Variants in TRAPPC9 observed in about 807,000 individuals in gnomAD.
TRAPPC9 encodes the protein trafficking protein particle complex subunit 9, also known as IKK2 binding protein.
A neutral mutation model predicts 124.0 loss-of-function variants in TRAPPC9; 83 were observed. The observed-to-expected ratio is 0.67, with a 90% CI of 0.56 to 0.80. The LOEUF (loss-of-function observed/expected upper bound fraction) is 0.80, where lower values mean the gene tolerates loss of function less well. Among genes scored for constraint, TRAPPC9 ranks in the 30% least tolerant of loss-of-function variants. The pLI is 0.00. For synonymous variants in TRAPPC9, 638 were observed against 617.5 expected (o/e 1.03, Z -0.49); for missense variants, 1,302 against 1,508.3 (o/e 0.86, Z 2.27).
chr8:139,761,440 C>T (rs1820211012), intron 21 of TRAPPC9, among the ~76,000 whole-genome samples: 2 of 152,170 alleles, frequency 1.3e-5, no homozygotes, highest in Admixed American at 6.5e-5. Flanking sequence ...GTAGACTTCC[C>T]GGGCCCCTTA....
At chr8:140,046,320 G>T (rs1314303150) in intron 17 of TRAPPC9, among the ~76,000 whole-genome samples, 1 of 152,280 alleles carries the variant, frequency 6.6e-6, no homozygotes, top group Non-Finnish European at 1.5e-5. Flanking sequence ...TGCCTTCTTG[G>T]CAAGGAAAGG....
chr8:140,175,968 C>T (rs1288991913), intron 17 of TRAPPC9, among the ~76,000 whole-genome samples: 2 of 152,168 alleles, frequency 1.3e-5, no homozygotes, highest in Admixed American at 6.5e-5. Flanking sequence ...AGGACAGACA[C>T]GTAAAAGACA....
At chr8:140,357,332 G>C (rs571388836) in intron 9 of TRAPPC9, among the ~76,000 whole-genome samples, 25 of 152,242 alleles carry the variant, frequency 1.6e-4, no homozygotes, top group Non-Finnish European at 2.9e-4. Flanking sequence ...AGCAGACACA[G>C]CAGGCGAAGG....
chr8:139,968,591 G>A (rs1028284802), intron 19 of TRAPPC9, among the ~76,000 whole-genome samples: 5 of 152,220 alleles, frequency 3.3e-5, no homozygotes, highest in African/African-American at 1.2e-4. Context: ...CTCCGGACAA[G>A]GCTCATGTGG....
chr8:139,911,550 C>G (rs975590795), intron 19 of TRAPPC9, among the ~76,000 whole-genome samples: 1 of 152,006 alleles, frequency 6.6e-6, no homozygotes, highest in Non-Finnish European at 1.5e-5. Context: ...ACCAAAAATA[C>G]AAAAATAAGC....
chr8:140,458,333 G>A (rs955171264), upstream of TRAPPC9: 1 of 1,580,934 alleles, frequency 6.3e-7, no homozygotes, highest in East Asian at 2.3e-5. Flanking sequence ...AAGCTCAGGG[G>A]TGGAGGCCCC....
chr8:139,755,143 C>A (rs1202912028), intron 21 of TRAPPC9, among the ~76,000 whole-genome samples: 1 of 152,272 alleles, frequency 6.6e-6, no homozygotes, highest in African/African-American at 2.4e-5. Context: ...CCAGCTCCCA[C>A]TGCTGGCTCA....
intron 5 of TRAPPC9, among the ~76,000 whole-genome samples, chr8:140,419,447 A>AC (rs1447443579): frequency 1.4e-4 from 20 of 142,092 alleles, no homozygotes; most frequent in East Asian, 1.4e-3. Context: ...AAAAAAAAAA[A>AC]AAAAACAAAA....
chr8:140,415,004 T>C (rs1232717409), intron 5 of TRAPPC9, among the ~76,000 whole-genome samples: 3 of 152,092 alleles, frequency 2.0e-5, no homozygotes, highest in Non-Finnish European at 4.4e-5. Context: ...CCTCCCAAAG[T>C]ACTGGGATTA....
chr8:140,042,895 G>A (rs1030210368), intron 17 of TRAPPC9, among the ~76,000 whole-genome samples: 10 of 152,190 alleles, frequency 6.6e-5, no homozygotes, highest in Admixed American at 2.6e-4. Context: ...TTGTGCCTCC[G>A]GGCTCCTTCG....
At chr8:140,185,404 T>C (rs954981036) in intron 17 of TRAPPC9, among the ~76,000 whole-genome samples, 1 of 152,208 alleles carries the variant, frequency 6.6e-6, no homozygotes, top group Non-Finnish European at 1.5e-5. Flanking sequence ...AAAATGCCAG[T>C]GCCTTAAGGG....
intron 9 of TRAPPC9, among the ~76,000 whole-genome samples, chr8:140,331,307 T>C (rs1334997577): frequency 6.6e-6 from 1 of 152,160 alleles, no homozygotes; most frequent in East Asian, 1.9e-4. Context: ...TGCCACTATA[T>C]ACAAAAATTG....
intron 17 of TRAPPC9, among the ~76,000 whole-genome samples, chr8:140,176,164 T>C (rs2062066450): frequency 6.6e-6 from 1 of 152,224 alleles, no homozygotes; most frequent in Non-Finnish European, 1.5e-5. Flanking sequence ...TTTTATTTTA[T>C]TGAGAAATAA....
In TRAPPC9 at chr8:140,208,526, G is replaced by A. The variant is rs115937318; in HGVS notation, c.2556+12933C>T. ...CCAGGTGATGCTGATTCTGGTTAAC[G>A]CAGATGCCACTGCCTTAAGTTGCTG... On this transcript the variant is annotated intron_variant, in intron 17 of 22. Coordinates refer to ENST00000438773, the MANE Select transcript of TRAPPC9 (RefSeq NM_001160372.4). 4.2e-3 allele frequency among the ~76,000 whole-genome samples: 636 copies of A among 152,314 alleles called. 5 individuals are homozygous for A. The highest frequency in any genetic ancestry group is 0.014 in the African/African-American group (591 of 41,562).
At chr8:140,024,555 G>T (rs10448115) in intron 17 of TRAPPC9, among the ~76,000 whole-genome samples, 64,335 of 151,826 alleles carry the variant, frequency 0.42, 15,392 homozygotes, top group Middle Eastern at 0.63. Context: ...ACACCACCAC[G>T]CCTGGCTAAT....
At chr8:140,119,720 A>T (rs1265367875) in intron 17 of TRAPPC9, among the ~76,000 whole-genome samples, 1 of 152,220 alleles carries the variant, frequency 6.6e-6, no homozygotes, top group African/African-American at 2.4e-5. Context: ...TGAGAAATAA[A>T]CCAGGGAATT....
chr8:140,041,557 C>T (rs2095058749), intron 17 of TRAPPC9, among the ~76,000 whole-genome samples: 6 of 152,242 alleles, frequency 3.9e-5, no homozygotes, highest in Admixed American at 3.9e-4. Context: ...CTGTGTTCCA[C>T]CCTAGCCCTG....
chr8:139,897,046 AC>A (rs1221664045), intron 20 of TRAPPC9, among the ~76,000 whole-genome samples: 3 of 152,160 alleles, frequency 2.0e-5, no homozygotes, highest in African/African-American at 7.2e-5. Flanking sequence ...CTGTTTAATG[AC>A]TGACATCCCT....
In TRAPPC9 at chr8:140,224,794, C is replaced by A. The variant is rs114439065; in HGVS notation, c.2432-3211G>T. Reference sequence around the variant, plus strand: ...AATGCTACCTCTTCCATAATGCCTCCCCTAGCTGTCCTAATGGAAAGCAAG... The same window carrying A: ...AATGCTACCTCTTCCATAATGCCTCACCTAGCTGTCCTAATGGAAAGCAAG... On this transcript the variant is annotated intron_variant, in intron 16 of 22. Coordinates refer to ENST00000438773, the MANE Select transcript of TRAPPC9 (RefSeq NM_001160372.4). Among the ~76,000 whole-genome samples, 412 of 152,272 alleles carry A rather than the reference C, an allele frequency of 2.7e-3. 3 individuals are homozygous for A. Among genetic ancestry groups the A allele is most frequent in the African/African-American group, 9.4e-3 (389 of 41,546 alleles).
Sources: gnomAD v4.1 joint callset for allele counts (sites outside exome capture counted in the v4.1 genomes callset) on GRCh38, gnomAD v4.1.1 for gene constraint, MANE v1.5 for transcripts, NCBI Gene and HGNC (gene_info 2026-07-23, HGNC 2026-07-21) for gene names.